Variants in URGCP observed in about 807,000 individuals in gnomAD.
URGCP encodes up-regulator of cell proliferation.
URGCP carries 13 observed loss-of-function variants against 24.6 expected under a neutral mutation model. The ratio of observed to expected loss-of-function variants is 0.53; its 90% CI spans 0.34 to 0.84. The LOEUF is 0.84. URGCP is among the 40% of genes least tolerant of loss of function. URGCP has a pLI of 0.01. For synonymous variants in URGCP, 444 were observed against 487.2 expected, an observed-to-expected ratio of 0.91 and a Z score of 1.17; for missense variants, 899 against 1,194.3, an observed-to-expected ratio of 0.75 and a Z score of 3.64.
At chr7:43,916,238 C>G (rs1486870944) in intron 1 of URGCP, among the ~76,000 whole-genome samples, 3 of 152,106 alleles carry the variant, frequency 2.0e-5, no homozygotes, top group African/African-American at 7.2e-5. Flanking sequence ...TGTTTTTGCA[C>G]CAACCCAATA....
intron 3 of URGCP, 65 bp from the exon 4 acceptor site, chr7:43,882,022 AT>A (rs2095854667): frequency 6.2e-7 from 1 of 1,609,652 alleles, no homozygotes; most frequent in Admixed American, 1.7e-5. Context: ...TCTGTCAAAA[AT>A]TTCAAGTGCT....
At position 43,878,993 on chromosome 7, in the gene URGCP, T is replaced by G; in HGVS notation, c.470A>C (p.Tyr157Ser). The G allele has an allele frequency of 6.2e-7, 1 of 1,614,174 alleles. No individual in the cohort carries two copies. Among genetic ancestry groups the G allele is most frequent in the Non-Finnish European group, 8.5e-7 (1 of 1,180,022 alleles). ...KESQMEEEII[Y>S]WDPADDLAAD... ...AGCAAGGTCATCAGCTGGGTCCCAG[T>G]AGATGATCTCCTCTTCCATCTGGCT... Residue 157 changes from tyrosine (Y) to serine (S), a missense_variant, in exon 6 of 6, where the codon TAC becomes TCC. Physicochemically the swap from Tyr to Ser is moderately radical, Grantham distance 144 (BLOSUM62 -2). Coordinates refer to ENST00000453200, the MANE Select transcript of URGCP (RefSeq NM_001077663.3). This position sits in a 1 kb window ranked among gnomAD's most constrained non-coding sequence, Gnocchi z 5.6.
chr7:43,921,048 C>T (rs996210203), intron 1 of URGCP, among the ~76,000 whole-genome samples: 7 of 152,142 alleles, frequency 4.6e-5, no homozygotes, highest in East Asian at 3.8e-4. Flanking sequence ...AGCTCTAGGC[C>T]GGGCACGGTG....
intron 3 of URGCP, chr7:43,882,158 GC>G: frequency 1.3e-6 from 1 of 763,436 alleles, no homozygotes; most frequent in Non-Finnish European, 1.9e-6. Flanking sequence ...AAAAAATTAG[GC>G]CAGGCATGGT....
chr7:43,881,043 A>C, intron 5 of URGCP: 1 of 618,446 alleles, frequency 1.6e-6, no homozygotes, highest in Non-Finnish European at 2.9e-6. Flanking sequence ...TTACAAAAAC[A>C]AAAGTACTAT....
intron 1 of URGCP, among the ~76,000 whole-genome samples, chr7:43,924,606 T>C (rs537390739): frequency 1.3e-5 from 2 of 152,308 alleles, no homozygotes; most frequent in East Asian, 3.9e-4. Context: ...TGTCAATGTT[T>C]GACACCAAGG....
upstream of URGCP, among the ~76,000 whole-genome samples, chr7:43,910,361 A>T (rs1256626505): frequency 1.4e-5 from 2 of 146,898 alleles, no homozygotes; most frequent in African/African-American, 5.1e-5. Context: ...GACTACAGGC[A>T]TGTGCCACCA....
intron 1 of URGCP, among the ~76,000 whole-genome samples, chr7:43,912,640 C>G (rs1240004408): frequency 6.6e-6 from 1 of 152,124 alleles, no homozygotes; most frequent in East Asian, 1.9e-4. Flanking sequence ...TACATTGTAT[C>G]TGCAGATCAC....
intron 3 of URGCP, among the ~76,000 whole-genome samples, chr7:43,884,424 T>C (rs1410728791): frequency 6.6e-6 from 1 of 152,208 alleles, no homozygotes; most frequent in Non-Finnish European, 1.5e-5. Context: ...CTGGGAGTAC[T>C]GGGCTCACAC....
chr7:43,924,934 T>C (rs2095927066), intron 1 of URGCP, among the ~76,000 whole-genome samples: 1 of 152,114 alleles, frequency 6.6e-6, no homozygotes, highest in Admixed American at 6.6e-5. Context: ...AAGTTTTGTA[T>C]TTTTTGTAGA....
chr7:43,883,088 A>C (rs183087273), intron 3 of URGCP, among the ~76,000 whole-genome samples: 1 of 152,176 alleles, frequency 6.6e-6, no homozygotes, highest in African/African-American at 2.4e-5. Context: ...AAACATCATG[A>C]AATGTCCATC....
At position 43,917,962 on chromosome 7, in the gene URGCP, AAAAACAAAAC is replaced by A. The variant is rs796272291; in HGVS notation, c.-116+8160_-116+8169del. ...TGGGTGACAGAGCAAGACCGTCTCA[AAAAACAAAAC>A]AAAACAAAACAAAAAACACAGCTGG... On this transcript the variant is annotated intron_variant, in intron 1 of 5. Transcript: ENST00000426198. Among the ~76,000 whole-genome samples, 3 of 152,048 alleles carry A rather than the reference AAAAACAAAAC, an allele frequency of 2.0e-5. No homozygotes were observed. In the East Asian group the frequency reaches 5.8e-4, roughly 29 times the overall value.
At chr7:43,922,352 A>G (rs1386825319) in intron 1 of URGCP, among the ~76,000 whole-genome samples, 2 of 152,072 alleles carry the variant, frequency 1.3e-5, no homozygotes, top group African/African-American at 4.8e-5. Context: ...GTGAGCCACC[A>G]TACTTGGTAT....
At chr7:43,896,775 C>G (rs568212576) in intron 1 of URGCP, among the ~76,000 whole-genome samples, 19 of 152,242 alleles carry the variant, frequency 1.2e-4, no homozygotes, top group Non-Finnish European at 1.0e-4. Flanking sequence ...GCTGATCATC[C>G]CTGACACACA....
chr7:43,892,409 G>A (rs1422892127), intron 1 of URGCP, among the ~76,000 whole-genome samples: 2 of 151,196 alleles, frequency 1.3e-5, no homozygotes, highest in Non-Finnish European at 2.9e-5. Context: ...ATGAGCCACC[G>A]CGAACAGCCC....
rs993195665 is a variant in URGCP, at chr7:43,925,488, GTTTT to G, written c.-116+640_-116+643del. Among the ~76,000 whole-genome samples the G allele has an allele frequency of 5.9e-5, 9 of 152,036 alleles. No individual in the cohort carries two copies. In the East Asian group the frequency reaches 1.2e-3, roughly 20 times the overall value. ...GTGAAATGCACTGATATTTTATTCT[GTTTT>G]TTTATTTTTATTTTTTATTATTTTT... is the stretch of plus-strand genomic sequence containing the variant. On this transcript the variant is annotated intron_variant, in intron 1 of 5. Transcript: ENST00000426198.
Position 43,877,007 on chromosome 7 carries a change from T to G in URGCP, c.2456A>C (p.Tyr819Ser). 1 of 1,614,234 alleles carries G rather than the reference T, an allele frequency of 6.2e-7. No homozygotes were observed. The highest frequency in any genetic ancestry group is 8.5e-7 in the Non-Finnish European group (1 of 1,180,042). Residue 819 changes from tyrosine (Y) to serine (S), a missense_variant, in exon 6 of 6, where the codon TAC becomes TCC. Transcript: ENST00000453200. Reference sequence around the variant, plus strand: ...AACAGATACATCATGAAGGTTCTGGTATACAAACTGGTAGTTGGGCATGTG... The same window carrying G: ...AACAGATACATCATGAAGGTTCTGGGATACAAACTGGTAGTTGGGCATGTG... ...TGHMPNYQFV[Y>S]QNLHDVSVPG...
At chr7:43,924,139 C>T (rs1562592782) in intron 1 of URGCP, among the ~76,000 whole-genome samples, 1 of 152,006 alleles carries the variant, frequency 6.6e-6, no homozygotes, top group South Asian at 2.1e-4. Context: ...CAAAGTGCTG[C>T]GATTACAGGC....
chr7:43,910,382 A>ATTTTTTTT (rs1158648185), upstream of URGCP, among the ~76,000 whole-genome samples: 1 of 90,090 alleles, frequency 1.1e-5, no homozygotes, highest in Non-Finnish European at 2.0e-5. Flanking sequence ...TGTCTGGCTA[A>ATTTTTTTT]TTTTTTTTTT....
Sources: allele counts gnomAD v4.1 joint callset (sites outside exome capture counted in the v4.1 genomes callset), GRCh38; gene constraint gnomAD v4.1.1; non-coding constraint Gnocchi (gnomAD v3.1); transcripts MANE v1.5; gene names NCBI Gene and HGNC (gene_info 2026-07-23, HGNC 2026-07-21).